The following LINC00632 variants were observed in gnomAD, a reference collection of about 807,000 sequenced individuals.
The protein encoded by LINC00632 is ALDOA related specific transcript.
At position 140,736,366 on chromosome X, in the gene LINC00632, AT is replaced by A. The variant is rs778427288; in HGVS notation, n.191+2411del. 9.7e-3 allele frequency among the ~76,000 whole-genome samples: 1,012 copies of A among 103,927 alleles called. 20 individuals carry two copies. The highest frequency in any genetic ancestry group is 0.034 in the African/African-American group (971 of 28,466). 90.2% of individuals were successfully genotyped at this position (103,927 alleles called of 115,157 possible). On this transcript the variant is annotated intron_variant and non_coding_transcript_variant, in intron 3 of 4. Transcript: ENST00000648200. Reference sequence around the variant, plus strand: ...ATAATTGACTAAGAATAGCATATACATTTTTTTTTCAAATCCATAAACTTCA... The same window carrying A: ...ATAATTGACTAAGAATAGCATATACATTTTTTTTCAAATCCATAAACTTCA...
At chrX:140,724,645 TAC>T (rs1930884360) in intron 2 of LINC00632, among the ~76,000 whole-genome samples, 2 of 62,620 alleles carry the variant, frequency 3.2e-5, no homozygotes, top group South Asian at 8.3e-4. Flanking sequence ...CACACTTCCA[TAC>T]ACACAGAGAC....
exon 4 of LINC00632, among the ~76,000 whole-genome samples, chrX:140,773,238 C>A (rs984254961): frequency 9.2e-6 from 1 of 108,341 alleles, no homozygotes; most frequent in Non-Finnish European, 1.9e-5. Context: ...GAAGCTGTGG[C>A]CTGTAATGAA....
chrX:140,746,999 AG>A (rs1291938146), intron 3 of LINC00632, among the ~76,000 whole-genome samples: 3 of 112,046 alleles, frequency 2.7e-5, no homozygotes, highest in Non-Finnish European at 3.8e-5. Flanking sequence ...AGGGCATGTA[AG>A]TTTCTAAAGC....
chrX:140,786,779 T>C (rs1932025208), exon 5 of LINC00632, among the ~76,000 whole-genome samples: 1 of 111,703 alleles, frequency 9.0e-6, no homozygotes. Flanking sequence ...AAAACCTTAG[T>C]CTAACATTCA....
exon 5 of LINC00632, among the ~76,000 whole-genome samples, chrX:140,775,260 C>A (rs997101198): frequency 5.4e-5 from 6 of 112,001 alleles, no homozygotes; most frequent in Non-Finnish European, 1.1e-4. Context: ...TTTTTAAATT[C>A]CTTTCATAAT....
intron 3 of LINC00632, among the ~76,000 whole-genome samples, chrX:140,765,876 C>T (rs748648936): frequency 3.6e-5 from 4 of 111,766 alleles, no homozygotes; most frequent in Admixed American, 2.9e-4. Context: ...TTGTCTTATG[C>T]GGGCCAGTGA....
At chrX:140,769,551 T>A (rs1931754484) in intron 3 of LINC00632, among the ~76,000 whole-genome samples, 1 of 108,892 alleles carries the variant, frequency 9.2e-6, no homozygotes, top group Non-Finnish European at 1.9e-5. Context: ...ATAGGTCAGA[T>A]TAATCCTAAA....
rs73590178 is a variant in LINC00632, at chrX:140,740,614, C to G, written n.191+6650C>G. 4.3e-3 allele frequency among the ~76,000 whole-genome samples: 473 copies of G among 110,262 alleles called. 3 individuals carry two copies. Among genetic ancestry groups the G allele is most frequent in the African/African-American group, 0.015 (454 of 30,295 alleles). On this transcript the variant is annotated intron_variant and non_coding_transcript_variant, in intron 3 of 4. Transcript: ENST00000648200. ...TTTCTCTCTTGTCCCTACAGTGAAA[C>G]CTTACATTAAGACTTAGGTATTTCT...
chrX:140,718,796 C>CA (rs1391585547), intron 2 of LINC00632, among the ~76,000 whole-genome samples: 1 of 111,991 alleles, frequency 8.9e-6, no homozygotes, highest in African/African-American at 3.2e-5. Flanking sequence ...AACAGCTAGA[C>CA]ACGCTACAAT....
At chrX:140,727,492 C>CTA (rs1930982611) in intron 2 of LINC00632, among the ~76,000 whole-genome samples, 1 of 111,044 alleles carries the variant, frequency 9.0e-6, no homozygotes, top group African/African-American at 3.3e-5. Flanking sequence ...GGGGTTTCAC[C>CTA]ATGTTGGCCA....
chrX:140,729,436 T>C (rs1041914674), intron 2 of LINC00632, among the ~76,000 whole-genome samples: 2 of 110,600 alleles, frequency 1.8e-5, no homozygotes, highest in Non-Finnish European at 3.8e-5. Context: ...CACTATAAAA[T>C]GCAAAGATTG....
chrX:140,785,245 A>G (rs1932003068), exon 5 of LINC00632, among the ~76,000 whole-genome samples: 1 of 111,187 alleles, frequency 9.0e-6, no homozygotes, highest in Non-Finnish European at 1.9e-5. Flanking sequence ...TGCTACATCC[A>G]GGCACTGTTC....
intron 2 of LINC00632, among the ~76,000 whole-genome samples, chrX:140,716,733 CTG>C (rs770452979): frequency 6.5e-5 from 7 of 107,386 alleles, no homozygotes; most frequent in Non-Finnish European, 1.2e-4. Context: ...GGAAGCCAGG[CTG>C]TGTGTTGTAC....
At chrX:140,752,322 T>C (rs1931422481) in intron 3 of LINC00632, among the ~76,000 whole-genome samples, 2 of 111,554 alleles carry the variant, frequency 1.8e-5, no homozygotes, top group African/African-American at 6.5e-5. Flanking sequence ...CCCCTAGATG[T>C]TTTGTGAGGA....
At chrX:140,755,753 C>A (rs1884198) in intron 3 of LINC00632, among the ~76,000 whole-genome samples, 37,020 of 110,073 alleles carry the variant, frequency 0.34, 4,812 homozygotes, top group African/African-American at 0.39. Flanking sequence ...TAGACTCAGC[C>A]TATCTCCATT....
chrX:140,723,765 CCAT>C (rs1930816183), intron 2 of LINC00632, among the ~76,000 whole-genome samples: 1 of 7,970 alleles, frequency 1.3e-4, no homozygotes, highest in African/African-American at 3.8e-4. Flanking sequence ...CACACATATT[CCAT>C]ACACACACAT....
intron 2 of LINC00632, among the ~76,000 whole-genome samples, chrX:140,731,083 G>C (rs1394841618): frequency 9.1e-6 from 1 of 110,016 alleles, no homozygotes; most frequent in Non-Finnish European, 1.9e-5. Flanking sequence ...TTATATTTCT[G>C]GTAAAGACGG....
exon 5 of LINC00632, among the ~76,000 whole-genome samples, chrX:140,777,656 A>G (rs1416137813): frequency 8.9e-6 from 1 of 112,365 alleles, no homozygotes; most frequent in African/African-American, 3.2e-5. Context: ...GAAAATTATG[A>G]TAGAAAATAT....
chrX:140,764,542 C>T (rs1173726991), intron 3 of LINC00632: 2 of 112,497 alleles, frequency 1.8e-5, no homozygotes, highest in Non-Finnish European at 3.8e-5. Flanking sequence ...AGAGGCCATC[C>T]GCAGGGGCGG....
Sources: allele counts gnomAD v4.1 joint callset (sites outside exome capture counted in the v4.1 genomes callset), GRCh38; gene constraint gnomAD v4.1.1; transcripts MANE v1.5; gene names NCBI Gene and HGNC (gene_info 2026-07-23, HGNC 2026-07-21).